The following CHIC2 variants were observed in gnomAD, a reference collection of about 807,000 sequenced individuals.
CHIC2 encodes cysteine rich hydrophobic domain 2.
In CHIC2, 14 loss-of-function variants were observed where a neutral mutation model predicts 25.9. The ratio of observed to expected loss-of-function variants is 0.54; its 90% CI spans 0.36 to 0.85. The LOEUF (loss-of-function observed/expected upper bound fraction) is 0.85. Ranked by LOEUF, CHIC2 falls within the 40% of genes least tolerant of loss-of-function variation. The probability of loss-of-function intolerance (pLI) is 0.01; values close to 1 mark genes in which losing one functional copy is unlikely to be tolerated. For synonymous variants in CHIC2, 70 were observed against 72.0 expected (o/e 0.97, Z 0.14); for missense variants, 146 against 202.0 (o/e 0.72, Z 1.68).
At chr4:54,012,056 T>C (rs1328361941) in intron 5 of CHIC2, among the ~76,000 whole-genome samples, 2 of 152,008 alleles carry the variant, frequency 1.3e-5, no homozygotes, top group African/African-American at 4.8e-5. Context: ...CTTTCAACTA[T>C]CACAAATATA....
intron 3 of CHIC2, among the ~76,000 whole-genome samples, chr4:54,046,344 T>C (rs1577980251): frequency 6.6e-6 from 1 of 152,030 alleles, no homozygotes. Flanking sequence ...CATCGCCAAG[T>C]CAATCCTAAG....
upstream of CHIC2, chr4:54,065,347 T>C: frequency 1.0e-6 from 1 of 983,376 alleles, no homozygotes; most frequent in Non-Finnish European, 1.2e-6. Flanking sequence ...CCCAACTCTC[T>C]CACCAAACAT....
chr4:54,064,730 C>CG (rs1176172000), upstream of CHIC2: 1 of 880,384 alleles, frequency 1.1e-6, no homozygotes, highest in African/African-American at 1.8e-5. The surrounding 1 kb of genome is among the most constrained non-coding windows in gnomAD (Gnocchi z 4.2). Flanking sequence ...GGCGGGCGGG[C>CG]GGGCGCGCGC....
chr4:54,038,525 A>G (rs970774194), intron 3 of CHIC2, among the ~76,000 whole-genome samples: 14 of 152,224 alleles, frequency 9.2e-5, no homozygotes, highest in African/African-American at 3.4e-4. Context: ...TAGAGGACTT[A>G]ATATTGTTAA....
the CHIC2 span, among the ~76,000 whole-genome samples, chr4:54,077,190 T>G: frequency 6.6e-6 from 1 of 152,222 alleles, no homozygotes; most frequent in Admixed American, 6.5e-5. Flanking sequence ...GTAGAAGATA[T>G]GCGTTTTCAT....
At chr4:54,034,998 TTTTTC>T (rs1477891813) in intron 3 of CHIC2, among the ~76,000 whole-genome samples, 2 of 152,206 alleles carry the variant, frequency 1.3e-5, no homozygotes, top group Non-Finnish European at 2.9e-5. Flanking sequence ...TGTTGTGTGG[TTTTTC>T]TTTTTAGTTT....
the CHIC2 span, among the ~76,000 whole-genome samples, chr4:54,073,644 C>T: frequency 1.3e-5 from 2 of 152,108 alleles, no homozygotes; most frequent in Admixed American, 1.3e-4. Context: ...GACCACCCAG[C>T]CATTCACCAA....
At chr4:54,061,412 T>C (rs1717329181) in intron 1 of CHIC2, among the ~76,000 whole-genome samples, 1 of 152,160 alleles carries the variant, frequency 6.6e-6, no homozygotes, top group Non-Finnish European at 1.5e-5. Flanking sequence ...GAAAAACATA[T>C]GGATTGATCT....
At chr4:54,059,696 C>T (rs138088961) in intron 1 of CHIC2, 2 of 152,022 alleles carry the variant, frequency 1.3e-5, no homozygotes, top group East Asian at 3.9e-4. Flanking sequence ...TATTATAGAA[C>T]ATTGTTTGCC....
chr4:54,024,648 T>C (rs1466552063), intron 3 of CHIC2, among the ~76,000 whole-genome samples: 1 of 152,174 alleles, frequency 6.6e-6, no homozygotes, highest in East Asian at 1.9e-4. Flanking sequence ...TGTAAATCAA[T>C]CTGGCCTGGT....
chr4:54,025,388 C>G (rs1327788573), intron 3 of CHIC2, among the ~76,000 whole-genome samples: 1 of 152,100 alleles, frequency 6.6e-6, no homozygotes, highest in African/African-American at 2.4e-5. Flanking sequence ...GCTCCTAACT[C>G]CACTGCCTAT....
intron 3 of CHIC2, among the ~76,000 whole-genome samples, chr4:54,032,989 A>G (rs1337641731): frequency 6.6e-6 from 1 of 152,046 alleles, no homozygotes; most frequent in Non-Finnish European, 1.5e-5. Context: ...CGGTTTTTTA[A>G]AAGTGTGTGG....
intron 3 of CHIC2, among the ~76,000 whole-genome samples, chr4:54,036,422 A>C (rs1046970881): frequency 3.9e-5 from 6 of 152,148 alleles, no homozygotes; most frequent in Non-Finnish European, 7.4e-5. Context: ...AGCTTATAAT[A>C]ATGGTGGAAG....
intron 1 of CHIC2, among the ~76,000 whole-genome samples, chr4:54,051,660 G>A (rs1488378191): frequency 6.6e-6 from 1 of 151,994 alleles, no homozygotes; most frequent in Non-Finnish European, 1.5e-5. Flanking sequence ...TCTCAATGGA[G>A]GAAAGCTTCC....
chr4:54,064,739 G>A (rs1284009050), upstream of CHIC2: 7 of 786,112 alleles, frequency 8.9e-6, no homozygotes, highest in Non-Finnish European at 1.1e-5. This position sits in a 1 kb window ranked among gnomAD's most constrained non-coding sequence, Gnocchi z 4.2. Flanking sequence ...GCGGGCGCGC[G>A]CACGTGCGGC....
chr4:54,077,029 G>T, the CHIC2 span, among the ~76,000 whole-genome samples: 1 of 152,128 alleles, frequency 6.6e-6, no homozygotes, highest in Admixed American at 6.5e-5. Flanking sequence ...TGTCATCCTT[G>T]TTATCATCTG....
upstream of CHIC2, among the ~76,000 whole-genome samples, chr4:54,069,330 A>G (rs983749852): frequency 3.3e-5 from 5 of 152,334 alleles, no homozygotes; most frequent in South Asian, 1.0e-3. Context: ...CACCCAGCCA[A>G]GAAGGATCTT....
the CHIC2 span, among the ~76,000 whole-genome samples, chr4:54,074,321 G>A: frequency 2.6e-5 from 4 of 152,054 alleles, no homozygotes; most frequent in Non-Finnish European, 4.4e-5. Flanking sequence ...GATCTGAGAG[G>A]CACAAGCACT....
chr4:54,037,546 C>T (rs1471233069), intron 3 of CHIC2, among the ~76,000 whole-genome samples: 2 of 152,050 alleles, frequency 1.3e-5, no homozygotes. Flanking sequence ...CAAAACTCAT[C>T]AAATAATATA....
Sources: gnomAD v4.1 joint callset for allele counts (sites outside exome capture counted in the v4.1 genomes callset) on GRCh38, gnomAD v4.1.1 for gene constraint, Gnocchi (gnomAD v3.1) non-coding constraint, MANE v1.5 for transcripts, NCBI Gene and HGNC (gene_info 2026-07-23, HGNC 2026-07-21) for gene names.